Variants in KANSL1L observed in about 807,000 individuals in gnomAD.
The protein encoded by KANSL1L is KAT8 regulatory NSL complex subunit 1 like.
In KANSL1L, 25 loss-of-function variants were observed where a neutral mutation model predicts 108.6. The ratio of observed to expected loss-of-function variants is 0.23; its 90% confidence interval spans 0.17 to 0.32. The LOEUF is 0.32. Among genes scored for constraint, KANSL1L ranks in the 10% least tolerant of loss-of-function variants. KANSL1L has a pLI of 1.00. For missense variants in KANSL1L, 1,137 were observed against 1,125.7 expected (o/e 1.01, Z -0.14); for synonymous variants, 405 against 395.1 (o/e 1.03, Z -0.30).
intron 1 of KANSL1L, among the ~76,000 whole-genome samples, chr2:210,168,043 A>T (rs1688091243): frequency 6.6e-6 from 1 of 152,226 alleles, no homozygotes; most frequent in East Asian, 1.9e-4. Flanking sequence ...ACTAAAAGTA[A>T]TGTAAGATTG....
At chr2:210,075,782 C>T (rs373238728) in intron 5 of KANSL1L, 26 bp from the exon 6 acceptor site, 38 of 1,537,276 alleles carry the variant, frequency 2.5e-5, no homozygotes, top group African/African-American at 8.2e-5. Flanking sequence ...ATAATTAGGG[C>T]GTGGGAAGGG....
chr2:210,089,452 T>C (rs1395700793), intron 5 of KANSL1L, among the ~76,000 whole-genome samples: 1 of 152,192 alleles, frequency 6.6e-6, no homozygotes, highest in Non-Finnish European at 1.5e-5. Context: ...AAAAATAGAA[T>C]TCCTTAAAAT....
Position 210,022,969 on chromosome 2 carries a change from T to C in KANSL1L, c.2944A>G (p.Asn982Asp). 1 of 1,612,988 alleles carries C rather than the reference T, an allele frequency of 6.2e-7. No homozygotes were observed. The highest frequency in any genetic ancestry group is 1.1e-5 in the South Asian group (1 of 91,030). Residue 982 changes from asparagine (N) to aspartate (D), a missense_variant, in exon 15 of 15, where the codon AAT (asparagine) becomes GAT (aspartate). By Grantham distance (23) the Asn-to-Asp change is conservative. This residue lies in a region of KANSL1L where 575 missense variants were observed against 567.1 expected (regional missense o/e 1.01). Coordinates refer to ENST00000281772, the MANE Select transcript of KANSL1L (RefSeq NM_152519.4). ...EYKTFGLGLT[N>D]VKKNR The stretch of plus-strand genomic sequence containing the variant: ...CCCTGTCACCTATTTTTTTTAACAT[T>C]AGTAAGTCCTAGACCAAAGGTTTTG...
intron 3 of KANSL1L, among the ~76,000 whole-genome samples, chr2:210,116,495 G>A (rs979636546): frequency 3.3e-5 from 5 of 152,178 alleles, no homozygotes; most frequent in South Asian, 2.1e-4. Context: ...TGCAGTCCCA[G>A]TGGTCCTTGT....
upstream of KANSL1L, chr2:210,171,971 G>A (rs1688364764): frequency 1.4e-5 from 2 of 145,494 alleles, no homozygotes; most frequent in South Asian, 2.3e-4. Flanking sequence ...ATTTGCCTTG[G>A]ATCCAACTGG....
intron 3 of KANSL1L, among the ~76,000 whole-genome samples, chr2:210,105,240 T>C (rs1321965101): frequency 6.6e-6 from 1 of 150,562 alleles, no homozygotes; most frequent in Non-Finnish European, 1.5e-5. Context: ...CTGAAAATAA[T>C]ACAGTAATAT....
At chr2:210,162,331 A>G (rs183989089) in intron 1 of KANSL1L, among the ~76,000 whole-genome samples, 41 of 150,994 alleles carry the variant, frequency 2.7e-4, no homozygotes, top group Non-Finnish European at 2.5e-4. Flanking sequence ...AATTAAGGGA[A>G]AGGAAGGAAT....
At position 210,048,477 on chromosome 2, in the gene KANSL1L, TA is replaced by T. The variant is rs889443685; in HGVS notation, c.1756-4374del. Among the ~76,000 whole-genome samples the T allele has an allele frequency of 3.2e-3, 486 of 152,024 alleles. 3 individuals carry two copies. Among genetic ancestry groups the T allele is most frequent in the African/African-American group, 8.6e-3 (358 of 41,504 alleles). On this transcript the variant is annotated intron_variant, in intron 6 of 14. Coordinates refer to ENST00000281772, the MANE Select transcript of KANSL1L (RefSeq NM_152519.4). ...TAGCAATTTTCTGATGTATTTTCCTTAAAAAAAATTAAACTTACTTATTTTT... is the reference window on the plus strand; with the variant it reads ...TAGCAATTTTCTGATGTATTTTCCTTAAAAAAATTAAACTTACTTATTTTT...
chr2:210,136,446 C>A (rs990544164), intron 2 of KANSL1L, among the ~76,000 whole-genome samples: 1 of 152,002 alleles, frequency 6.6e-6, no homozygotes, highest in African/African-American at 2.4e-5. Context: ...CAAACATTGA[C>A]AAATAAGGAC....
chr2:210,117,111 A>G (rs549842850), intron 3 of KANSL1L, among the ~76,000 whole-genome samples: 88 of 152,342 alleles, frequency 5.8e-4, no homozygotes, highest in Non-Finnish European at 1.0e-3. Flanking sequence ...TGAAGAATGC[A>G]CAAGATAGAG....
At chr2:210,169,340 C>A (rs895270748) in intron 1 of KANSL1L, among the ~76,000 whole-genome samples, 6 of 151,854 alleles carry the variant, frequency 4.0e-5, no homozygotes, top group African/African-American at 7.3e-5. Context: ...AGTTACATGG[C>A]GAAATGTTAA....
chr2:210,147,707 A>G (rs2095275113), intron 2 of KANSL1L, among the ~76,000 whole-genome samples: 1 of 152,214 alleles, frequency 6.6e-6, no homozygotes, highest in South Asian at 2.1e-4. Context: ...ACAAATAGAA[A>G]AACAACCTGC....
chr2:210,115,550 C>G (rs900047925), intron 3 of KANSL1L, among the ~76,000 whole-genome samples: 3 of 152,102 alleles, frequency 2.0e-5, no homozygotes, highest in Admixed American at 6.5e-5. Flanking sequence ...CACTGAGACG[C>G]CAAAACTCTC....
chr2:210,172,327 A>T (rs548018358), upstream of KANSL1L, among the ~76,000 whole-genome samples: 3 of 152,368 alleles, frequency 2.0e-5, no homozygotes, highest in South Asian at 6.2e-4. Flanking sequence ...AACGAAGAGC[A>T]CTAGGCTTTT....
chr2:210,097,197 A>G, intron 5 of KANSL1L: 1 of 928,764 alleles, frequency 1.1e-6, no homozygotes, highest in Non-Finnish European at 1.3e-6. Context: ...TGCCCACCTC[A>G]GCTTTTTATT....
intron 6 of KANSL1L, chr2:210,064,307 T>G (rs905723440): frequency 3.9e-5 from 6 of 152,216 alleles, no homozygotes; most frequent in African/African-American, 1.4e-4. Flanking sequence ...ATTAAAATGA[T>G]GCCTGACACA....
chr2:210,062,688 CT>C (rs751419735), intron 6 of KANSL1L, among the ~76,000 whole-genome samples: 19 of 152,264 alleles, frequency 1.2e-4, no homozygotes, highest in Non-Finnish European at 2.6e-4. Context: ...CATTTTGTCC[CT>C]GCCCTAGAGA....
chr2:210,158,451 T>G (rs2095345095), intron 1 of KANSL1L, among the ~76,000 whole-genome samples: 1 of 152,228 alleles, frequency 6.6e-6, no homozygotes, highest in Non-Finnish European at 1.5e-5. Context: ...AACAGCCTTA[T>G]GAGAGACCTT....
At chr2:210,042,092 A>T (rs2094170580) in intron 7 of KANSL1L, among the ~76,000 whole-genome samples, 1 of 152,150 alleles carries the variant, frequency 6.6e-6, no homozygotes, top group Non-Finnish European at 1.5e-5. Flanking sequence ...CAATTCTACC[A>T]CTGTTCTTTG....
Sources: gnomAD v4.1 joint callset for allele counts (sites outside exome capture counted in the v4.1 genomes callset) on GRCh38, gnomAD v4.1.1 for gene constraint, gnomAD v4.1.1 regional missense constraint, MANE v1.5 for transcripts, NCBI Gene and HGNC (gene_info 2026-07-23, HGNC 2026-07-21) for gene names.